ADAM12: variants seen among roughly 807,000 people sequenced by gnomAD.
ADAM12 encodes the protein ADAM metallopeptidase domain 12.
ADAM12 carries 70 observed loss-of-function variants against 106.4 expected under a neutral mutation model. The ratio of observed to expected loss-of-function variants is 0.66; its 90% CI spans 0.54 to 0.80. ADAM12 has a LOEUF of 0.80. ADAM12 is among the 30% of genes least tolerant of loss of function. The pLI, the probability that ADAM12 is intolerant of heterozygous loss-of-function variation, is 0.00. For synonymous variants in ADAM12, 420 were observed against 433.5 expected (o/e 0.97, Z 0.39); for missense variants, 1,010 against 1,171.9 (o/e 0.86, Z 2.02).
At chr10:126,256,745 A>G (rs930458933) in intron 3 of ADAM12, among the ~76,000 whole-genome samples, 2 of 152,214 alleles carry the variant, frequency 1.3e-5, no homozygotes, top group Non-Finnish European at 2.9e-5. Flanking sequence ...GAGGGCTTCA[A>G]AAGAATGGAG....
At chr10:126,223,037 C>G (rs1958125422) in intron 3 of ADAM12, among the ~76,000 whole-genome samples, 1 of 152,230 alleles carries the variant, frequency 6.6e-6, no homozygotes, top group South Asian at 2.1e-4. Flanking sequence ...GAAAGCACAG[C>G]TCTGCCAAAT....
At chr10:126,058,955 A>G (rs1199529198) in intron 14 of ADAM12, among the ~76,000 whole-genome samples, 1 of 152,192 alleles carries the variant, frequency 6.6e-6, no homozygotes, top group Non-Finnish European at 1.5e-5. Flanking sequence ...TCACTACCAT[A>G]TTACATCAAT....
chr10:126,076,842 T>G (rs1955111607), intron 11 of ADAM12, among the ~76,000 whole-genome samples: 1 of 152,200 alleles, frequency 6.6e-6, no homozygotes, highest in Non-Finnish European at 1.5e-5. Context: ...CAGAAGCTCT[T>G]TAATTAGGTC....
intron 3 of ADAM12, among the ~76,000 whole-genome samples, chr10:126,170,304 G>A (rs749394587): frequency 3.9e-5 from 6 of 152,120 alleles, no homozygotes; most frequent in Non-Finnish European, 8.8e-5. Flanking sequence ...GCAGGGATCC[G>A]GGGCGGCGAA....
rs908266121 is a variant in ADAM12 at position 126,013,210 on chromosome 10, C to G, written c.*4069G>C. 5 of 152,136 alleles carry G rather than the reference C, an allele frequency of 3.3e-5. No homozygotes were observed. Among genetic ancestry groups the G allele is most frequent in the African/African-American group, 4.8e-5 (2 of 41,422 alleles). 9.4% of individuals were successfully genotyped at this position (152,136 alleles called of 1,614,324 possible). On this transcript the variant is annotated 3_prime_UTR_variant, in exon 23 of 23. Transcript: ENST00000448723. The surrounding 1 kb of genome is among the most constrained non-coding windows in gnomAD (Gnocchi z 4.3). The stretch of plus-strand genomic sequence containing the variant: ...TTCCAAAAAGTAAAGGGGATTTTCT[C>G]TACAAAAGGAAAGAAAATGGCACAT...
At chr10:126,187,030 T>C (rs1201549514) in intron 3 of ADAM12, among the ~76,000 whole-genome samples, 1 of 152,222 alleles carries the variant, frequency 6.6e-6, no homozygotes, top group East Asian at 1.9e-4. Context: ...GGTCTTCCCC[T>C]GTGTCTTTCA....
chr10:126,374,758 G>A (rs942792461), intron 1 of ADAM12, among the ~76,000 whole-genome samples: 3 of 152,168 alleles, frequency 2.0e-5, no homozygotes, highest in East Asian at 1.9e-4. Context: ...CAAAGGAAGT[G>A]ATGAAGCAAA....
intron 3 of ADAM12, among the ~76,000 whole-genome samples, chr10:126,169,138 C>G (rs538313569): frequency 3.3e-5 from 5 of 152,304 alleles, no homozygotes; most frequent in Non-Finnish European, 7.3e-5. Flanking sequence ...CCCACTTAGG[C>G]TCTGTGGCCT....
intron 14 of ADAM12, among the ~76,000 whole-genome samples, chr10:126,063,410 T>C (rs1954799644): frequency 6.6e-6 from 1 of 152,178 alleles, no homozygotes. Context: ...GGCTTTTACA[T>C]TCCATTGAAA....
intron 2 of ADAM12, among the ~76,000 whole-genome samples, chr10:126,288,856 G>A (rs547560698): frequency 6.7e-6 from 1 of 149,586 alleles, no homozygotes; most frequent in South Asian, 2.1e-4. Context: ...TAGTGGCCCA[G>A]GGGAAAGGAT....
chr10:126,349,490 T>G (rs1855273683), intron 1 of ADAM12, among the ~76,000 whole-genome samples: 1 of 152,184 alleles, frequency 6.6e-6, no homozygotes, highest in Admixed American at 6.5e-5. Flanking sequence ...AATACCAAAA[T>G]TATTTGCTTT....
chr10:126,157,043 T>C (rs1956832406), intron 3 of ADAM12, among the ~76,000 whole-genome samples: 1 of 151,736 alleles, frequency 6.6e-6, no homozygotes, highest in African/African-American at 2.4e-5. Context: ...GGGGGGGTGC[T>C]CCTCCACTCT....
Position 126,101,151 on chromosome 10 carries a change from T to C in ADAM12, c.832A>G (p.Thr278Ala). 1 of 1,614,084 alleles carries C rather than the reference T, an allele frequency of 6.2e-7. No individual in the cohort carries two copies. The highest frequency in any genetic ancestry group is 2.2e-5 in the East Asian group (1 of 44,870). Residue 278 changes from threonine (T) to alanine (A), a missense_variant, in exon 9 of 23, where the codon ACC becomes GCC. This residue lies in a region of ADAM12 where 391 missense variants were observed against 442.9 expected (regional missense o/e 0.88). Transcript: ENST00000448723. ...CAGTCCAGAAATTCATGGAGGCTGG[T>C]GAATGGGTCCTGACTTACAGAGCAT... Reference protein sequence around the residue: ...DKCSVSQDPFTSLHEFLDWRK... With the variant: ...DKCSVSQDPFASLHEFLDWRK...
chr10:126,167,164 A>G (rs973893976), intron 3 of ADAM12, among the ~76,000 whole-genome samples: 1 of 152,200 alleles, frequency 6.6e-6, no homozygotes, highest in African/African-American at 2.4e-5. Flanking sequence ...AAGCAAAGGC[A>G]CTTTACGTGT....
chr10:126,322,248 A>G (rs893830735), intron 2 of ADAM12, among the ~76,000 whole-genome samples: 1 of 152,188 alleles, frequency 6.6e-6, no homozygotes, highest in Admixed American at 6.5e-5. Flanking sequence ...TTCAGCAGGT[A>G]TCATTGTGAC....
chr10:126,162,146 G>A (rs1956946846), intron 3 of ADAM12, among the ~76,000 whole-genome samples: 1 of 152,186 alleles, frequency 6.6e-6, no homozygotes, highest in South Asian at 2.1e-4. Flanking sequence ...ACCCAGAGTG[G>A]TCAGGGCTCC....
At chr10:126,178,006 G>A (rs904616419) in intron 3 of ADAM12, among the ~76,000 whole-genome samples, 1 of 152,156 alleles carries the variant, frequency 6.6e-6, no homozygotes, top group African/African-American at 2.4e-5. Flanking sequence ...TAAAATGTTA[G>A]TCTCTAACTC....
chr10:126,100,238 T>C (rs1010088520), intron 9 of ADAM12, among the ~76,000 whole-genome samples: 6 of 152,184 alleles, frequency 3.9e-5, no homozygotes, highest in East Asian at 3.9e-4. Context: ...ACAAGGTTAA[T>C]GTGCTATGCT....
At chr10:126,052,792 G>A (rs1396996085) in intron 14 of ADAM12, among the ~76,000 whole-genome samples, 1 of 152,188 alleles carries the variant, frequency 6.6e-6, no homozygotes, top group Non-Finnish European at 1.5e-5. Flanking sequence ...GTTATGATAG[G>A]AAGTCAAGCA....
Sources: gnomAD v4.1 joint callset for allele counts (sites outside exome capture counted in the v4.1 genomes callset) on GRCh38, gnomAD v4.1.1 for gene constraint, gnomAD v4.1.1 regional missense constraint, Gnocchi (gnomAD v3.1) non-coding constraint, MANE v1.5 for transcripts, NCBI Gene and HGNC (gene_info 2026-07-23, HGNC 2026-07-21) for gene names.